Variants in HNF4G observed in about 807,000 individuals in gnomAD.
HNF4G encodes hepatocyte nuclear factor 4-gamma.
Under a neutral mutation model 50.9 loss-of-function variants are expected in HNF4G, and 21 were observed. The ratio of observed to expected loss-of-function variants is 0.41; its 90% CI spans 0.29 to 0.59. HNF4G has a LOEUF of 0.59. Among genes scored for constraint, HNF4G ranks in the 20% least tolerant of loss-of-function variants. The pLI, the probability that HNF4G is intolerant of heterozygous loss-of-function variation, is 0.26. For synonymous variants in HNF4G, 198 were observed against 185.6 expected, an observed-to-expected ratio of 1.07 and a Z score of -0.54; for missense variants, 527 against 559.4, an observed-to-expected ratio of 0.94 and a Z score of 0.58.
At chr8:75,513,048 C>G (rs996610629) in intron 2 of HNF4G, among the ~76,000 whole-genome samples, 5 of 151,852 alleles carry the variant, frequency 3.3e-5, no homozygotes, top group Admixed American at 6.6e-5. Context: ...TTTCTGTTTT[C>G]TTTTTTGAGA....
In HNF4G at chr8:75,499,721, TG is replaced by T. The variant is rs200016314; in HGVS notation, c.-24+9519del. 8.1e-3 allele frequency among the ~76,000 whole-genome samples: 1,224 copies of T among 151,722 alleles called. 13 individuals carry two copies. The highest frequency in any genetic ancestry group is 0.028 in the African/African-American group (1,158 of 41,416). On this transcript the variant is annotated intron_variant, in intron 2 of 10. Coordinates refer to the HNF4G transcript ENST00000354370. ...TAATGAAATAGAATTTAGAGTCCAG[TG>T]GGGGGAAAAACTCATATATTCATGA... is the stretch of plus-strand genomic sequence containing the variant.
At chr8:75,550,468 A>G (rs192864293) in intron 3 of HNF4G, among the ~76,000 whole-genome samples, 5 of 152,066 alleles carry the variant, frequency 3.3e-5, no homozygotes, top group African/African-American at 1.2e-4. Flanking sequence ...GTGTGCCACC[A>G]CGCCTGGCTA....
rs952287769 is a variant in HNF4G at position 75,539,927 on chromosome 8, G to A, written c.-36G>A. ...TCAAAACACTCATCACGCACTCTGG[G>A]CTTGTGGTGCCACTTGTATGTGTGT... On this transcript the variant is annotated 5_prime_UTR_variant, in exon 1 of 10. Transcript: ENST00000396423. 2.1e-6 allele frequency: 2 copies of A among 955,794 alleles called. No individual in the cohort carries two copies. Among genetic ancestry groups the A allele is most frequent in the African/African-American group, 3.2e-5 (2 of 61,870 alleles). 59.2% of individuals were successfully genotyped at this position (955,794 alleles called of 1,614,324 possible).
intron 5 of HNF4G, among the ~76,000 whole-genome samples, chr8:75,555,696 A>ATTCTGT (rs1262780169): frequency 6.6e-6 from 1 of 150,672 alleles, no homozygotes; most frequent in East Asian, 1.9e-4. Context: ...CTCTGGTCTG[A>ATTCTGT]TTCTGTTTCC....
upstream of HNF4G, among the ~76,000 whole-genome samples, chr8:75,536,072 C>A (rs1055217503): frequency 6.6e-6 from 1 of 151,746 alleles, no homozygotes; most frequent in African/African-American, 2.4e-5. Context: ...AGTGTTTGAC[C>A]TAACTAGAGC....
chr8:75,444,040 T>C (rs893821550), intron 1 of HNF4G, among the ~76,000 whole-genome samples: 1 of 152,130 alleles, frequency 6.6e-6, no homozygotes, highest in Non-Finnish European at 1.5e-5. Flanking sequence ...AAGGTCGGGT[T>C]ACCCTCAAAG....
At chr8:75,448,512 TA>T (rs1188409041) in intron 1 of HNF4G, among the ~76,000 whole-genome samples, 128 of 138,956 alleles carry the variant, frequency 9.2e-4, no homozygotes, top group African/African-American at 1.6e-3. Flanking sequence ...ACAAATACCT[TA>T]AAAAAAAAAA....
At chr8:75,491,597 C>T (rs1052215337) in intron 2 of HNF4G, among the ~76,000 whole-genome samples, 1 of 151,986 alleles carries the variant, frequency 6.6e-6, no homozygotes, top group Non-Finnish European at 1.5e-5. Flanking sequence ...GTGCCTCAGC[C>T]TCCCAAGTAG....
At chr8:75,547,835 C>T (rs181936269) in intron 3 of HNF4G, among the ~76,000 whole-genome samples, 154 bp downstream of exon 3, 2 of 152,130 alleles carry the variant, frequency 1.3e-5, no homozygotes, top group African/African-American at 2.4e-5. Flanking sequence ...AAGAATTTAG[C>T]CCAAGGACAT....
intron 3 of HNF4G, among the ~76,000 whole-genome samples, chr8:75,548,769 T>C (rs1005709481): frequency 1.4e-4 from 21 of 152,322 alleles, no homozygotes; most frequent in African/African-American, 4.8e-4. Flanking sequence ...GAAACCACTA[T>C]ACTAAAGAAG....
At chr8:75,521,002 A>G (rs1022612012) in intron 2 of HNF4G, among the ~76,000 whole-genome samples, 5 of 152,214 alleles carry the variant, frequency 3.3e-5, no homozygotes, top group African/African-American at 1.2e-4. Flanking sequence ...ATGTAATATT[A>G]ATATAAAAAA....
In HNF4G at chr8:75,543,403, G is replaced by C. The variant is rs188155481; in HGVS notation, c.119-408G>C. Among the ~76,000 whole-genome samples, 352 of 152,212 alleles carry C rather than the reference G, an allele frequency of 2.3e-3. 2 individuals carry two copies. The highest frequency in any genetic ancestry group is 8.2e-3 in the African/African-American group (342 of 41,552). On this transcript the variant is annotated intron_variant, in intron 1 of 9. Transcript: ENST00000396423. ...TCTAGGGGAAAAATGAAAGACTTTTGTTTTTGATATGTTAATTTACAATTC... is the reference window on the plus strand; with the variant it reads ...TCTAGGGGAAAAATGAAAGACTTTTCTTTTTGATATGTTAATTTACAATTC...
chr8:75,467,752 A>G (rs1037992440), intron 1 of HNF4G, among the ~76,000 whole-genome samples: 18 of 152,102 alleles, frequency 1.2e-4, no homozygotes, highest in Non-Finnish European at 5.9e-5. Flanking sequence ...CTTCTTCTAG[A>G]CATCAAGAAA....
chr8:75,549,039 T>C (rs1371515083), intron 3 of HNF4G, among the ~76,000 whole-genome samples: 1 of 152,216 alleles, frequency 6.6e-6, no homozygotes, highest in Non-Finnish European at 1.5e-5. Context: ...TTACTTGAAC[T>C]CCATGTTTAT....
At chr8:75,553,597 T>G (rs1807030902) in intron 5 of HNF4G, among the ~76,000 whole-genome samples, 1 of 152,042 alleles carries the variant, frequency 6.6e-6, no homozygotes, top group African/African-American at 2.4e-5. Context: ...ATAAAACTCC[T>G]CAGAAATACC....
intron 4 of HNF4G, among the ~76,000 whole-genome samples, chr8:75,552,544 G>A (rs1806989328): frequency 6.6e-6 from 1 of 151,872 alleles, no homozygotes; most frequent in Non-Finnish European, 1.5e-5. Context: ...ATTTTGATGG[G>A]CTTCCTTTTA....
chr8:75,488,388 C>T (rs1367868083), intron 1 of HNF4G, among the ~76,000 whole-genome samples: 2 of 152,074 alleles, frequency 1.3e-5, no homozygotes, highest in African/African-American at 2.4e-5. Context: ...ATTCTTCTGC[C>T]TCAGCCTCCT....
intron 2 of HNF4G, among the ~76,000 whole-genome samples, chr8:75,530,200 A>T (rs1172871071): frequency 1.3e-5 from 2 of 152,158 alleles, no homozygotes; most frequent in African/African-American, 4.8e-5. Context: ...CAGAGCTGTG[A>T]TATTAAGCTG....
rs540046552 is a variant in HNF4G at position 75,524,275 on chromosome 8, CAA to C, written c.-23-19534_-23-19533del. On this transcript the variant is annotated intron_variant, in intron 2 of 10. Transcript: ENST00000354370. Reference sequence around the variant, plus strand: ...ACCATAAGATATATGAATAACTACGCAAAGTTATAATGTAAAGAATTTCTTTG... The same window carrying C: ...ACCATAAGATATATGAATAACTACGCAGTTATAATGTAAAGAATTTCTTTG... 9.9e-5 allele frequency among the ~76,000 whole-genome samples: 15 copies of C among 152,088 alleles called. No homozygotes were observed. The South Asian group carries it at 3.1e-3, about 32-fold the overall frequency.
Sources: allele counts gnomAD v4.1 joint callset (sites outside exome capture counted in the v4.1 genomes callset), GRCh38; gene constraint gnomAD v4.1.1; transcripts MANE v1.5; gene names NCBI Gene and HGNC (gene_info 2026-07-23, HGNC 2026-07-21).